The following MAP2K6 variants were observed in gnomAD, a reference collection of about 807,000 sequenced individuals.
MAP2K6 encodes mitogen-activated protein kinase kinase 6.
In MAP2K6, 16 loss-of-function variants were observed where a neutral mutation model predicts 53.7. The observed-to-expected ratio is 0.30, with a 90% CI of 0.20 to 0.45. The LOEUF is 0.45. MAP2K6 is among the 20% of genes least tolerant of loss of function. The pLI is 1.00. For missense variants in MAP2K6, 204 were observed against 411.9 expected (o/e 0.50, Z 4.37); for synonymous variants, 132 against 143.1 (o/e 0.92, Z 0.55).
At chr17:69,500,863 G>C (rs543299671) in intron 1 of MAP2K6, among the ~76,000 whole-genome samples, 180 of 152,280 alleles carry the variant, frequency 1.2e-3, no homozygotes, top group African/African-American at 4.2e-3. Flanking sequence ...GTATATAAGA[G>C]CCAGTGGTTT....
intron 1 of MAP2K6, chr17:69,435,340 AC>A (rs1906604204): frequency 6.6e-6 from 1 of 151,960 alleles, no homozygotes; most frequent in African/African-American, 2.4e-5. Context: ...TTCGAGACCA[AC>A]CTGGCCAATA....
intron 2 of MAP2K6, among the ~76,000 whole-genome samples, chr17:69,515,238 C>T (rs1311063854): frequency 6.6e-6 from 1 of 151,938 alleles, no homozygotes; most frequent in East Asian, 1.9e-4. Context: ...CTCACTGCAA[C>T]CTCCGCCTTC....
chr17:69,471,899 G>C (rs1907993430), intron 1 of MAP2K6, among the ~76,000 whole-genome samples: 1 of 152,200 alleles, frequency 6.6e-6, no homozygotes, highest in South Asian at 2.1e-4. Flanking sequence ...TTAGATGAAT[G>C]ATTTCGTATG....
At chr17:69,462,756 C>T (rs370552318) in intron 1 of MAP2K6, among the ~76,000 whole-genome samples, 5 of 152,128 alleles carry the variant, frequency 3.3e-5, no homozygotes, top group African/African-American at 1.2e-4. Context: ...TGCTTTCCTT[C>T]CCCTTGCCCT....
chr17:69,537,925 G>C (rs1024901518), intron 11 of MAP2K6, among the ~76,000 whole-genome samples: 2 of 152,134 alleles, frequency 1.3e-5, no homozygotes, highest in African/African-American at 4.8e-5. Context: ...ATATGCTTAT[G>C]CACCCGCTAG....
intron 10 of MAP2K6, among the ~76,000 whole-genome samples, 184 bp downstream of exon 10, chr17:69,526,893 T>A (rs545521674): frequency 6.6e-6 from 1 of 152,158 alleles, no homozygotes; most frequent in East Asian, 1.9e-4. Context: ...GAGCCCAAAG[T>A]CAAGTAGAGA....
chr17:69,484,106 T>A (rs1453888992), intron 1 of MAP2K6, among the ~76,000 whole-genome samples: 1 of 152,042 alleles, frequency 6.6e-6, no homozygotes, highest in African/African-American at 2.4e-5. Flanking sequence ...TCATCAAAGT[T>A]AAAAATTTTT....
rs1362449494 is a variant in MAP2K6, at chr17:69,547,276, C to T, written c.*5523C>T. On this transcript the variant is annotated 3_prime_UTR_variant, in exon 12 of 12. Transcript: ENST00000590474. Reference sequence around the variant, plus strand: ...TTCTGTAGAATATTGACTGTGACATCCTAGACCACGGTTGGCAAACTTTTT... The same window carrying T: ...TTCTGTAGAATATTGACTGTGACATTCTAGACCACGGTTGGCAAACTTTTT... 1 of 152,072 alleles carries T rather than the reference C, an allele frequency of 6.6e-6. No homozygotes were observed. The highest frequency in any genetic ancestry group is 1.5e-5 in the Non-Finnish European group (1 of 68,026). The allele number at this position is 152,072 out of a possible 1,614,324, so 9.4% of individuals were successfully genotyped here.
At chr17:69,442,170 C>A (rs573236645) in intron 1 of MAP2K6, among the ~76,000 whole-genome samples, 2 of 152,298 alleles carry the variant, frequency 1.3e-5, no homozygotes, top group South Asian at 4.1e-4. Context: ...GCTATTCTTA[C>A]TTTCCTGTTA....
intron 1 of MAP2K6, among the ~76,000 whole-genome samples, chr17:69,459,777 G>T (rs1016662936): frequency 6.7e-6 from 1 of 150,144 alleles, no homozygotes; most frequent in African/African-American, 2.5e-5. Context: ...AGATTGCAAG[G>T]TGTCTTTCTT....
intron 1 of MAP2K6, among the ~76,000 whole-genome samples, chr17:69,491,529 A>G (rs1908753401): frequency 1.3e-5 from 2 of 152,114 alleles, no homozygotes; most frequent in African/African-American, 4.8e-5. Flanking sequence ...CAGTGAACAT[A>G]TATGTGTATG....
chr17:69,487,034 G>C (rs1456486997), intron 1 of MAP2K6, among the ~76,000 whole-genome samples: 1 of 152,164 alleles, frequency 6.6e-6, no homozygotes, highest in Non-Finnish European at 1.5e-5. Context: ...CCTGGGTCGT[G>C]TCAAAACAGT....
intron 1 of MAP2K6, among the ~76,000 whole-genome samples, chr17:69,480,971 T>G (rs1055920192): frequency 4.6e-5 from 7 of 152,160 alleles, no homozygotes; most frequent in Non-Finnish European, 7.4e-5. Flanking sequence ...TTTGTGCCCT[T>G]TTGAAAGATG....
chr17:69,476,795 A>T (rs2145187095), intron 1 of MAP2K6, among the ~76,000 whole-genome samples: 1 of 152,300 alleles, frequency 6.6e-6, no homozygotes, highest in East Asian at 1.9e-4. Context: ...AGAGATTGGC[A>T]TCTCCCTCTG....
At chr17:69,464,483 G>A (rs1292063719) in intron 1 of MAP2K6, among the ~76,000 whole-genome samples, 2 of 152,144 alleles carry the variant, frequency 1.3e-5, no homozygotes, top group Non-Finnish European at 2.9e-5. Context: ...CCAGGTTCAC[G>A]TGATTCTTCT....
At chr17:69,421,602 G>A (rs957665268) in intron 1 of MAP2K6, among the ~76,000 whole-genome samples, 11 of 150,762 alleles carry the variant, frequency 7.3e-5, no homozygotes, top group Non-Finnish European at 1.3e-4. Context: ...GCAGTGGTGC[G>A]ATCTCAGCTT....
chr17:69,463,466 GTGTATA>G (rs1213426465), intron 1 of MAP2K6, among the ~76,000 whole-genome samples: 1 of 148,978 alleles, frequency 6.7e-6, no homozygotes, highest in East Asian at 2.0e-4. Context: ...ATATGTATGT[GTGTATA>G]TATATACACA....
intron 1 of MAP2K6, among the ~76,000 whole-genome samples, chr17:69,421,306 A>G (rs1906071443): frequency 6.6e-6 from 1 of 152,228 alleles, no homozygotes; most frequent in Non-Finnish European, 1.5e-5. Context: ...AAAGCAACTT[A>G]TAATGGCTGG....
At position 69,425,961 on chromosome 17, in the gene MAP2K6, T is replaced by G. The variant is rs1906262840; in HGVS notation, c.16+10961T>G. Among the ~76,000 whole-genome samples the G allele has an allele frequency of 9.9e-5, 15 of 152,100 alleles. 1 individual carries two copies. The highest frequency in any genetic ancestry group is 9.8e-4 in the Admixed American group (15 of 15,272). On this transcript the variant is annotated intron_variant, in intron 1 of 11. Transcript: ENST00000590474. ...TACCCCTTCCTGTACCCGAAACACC[T>G]TTGCCATTTGAAAAAAAAAAATCAC...
Sources: gnomAD v4.1 joint callset for allele counts (sites outside exome capture counted in the v4.1 genomes callset) on GRCh38, gnomAD v4.1.1 for gene constraint, MANE v1.5 for transcripts, NCBI Gene and HGNC (gene_info 2026-07-23, HGNC 2026-07-21) for gene names.